Variants in SCN7A observed in about 807,000 individuals in gnomAD.
The protein encoded by SCN7A is sodium channel protein type 7 subunit alpha.
SCN7A carries 138 observed loss-of-function variants against 155.2 expected under a neutral mutation model. That is an observed-to-expected ratio of 0.89 (90% CI 0.77 to 1.02). The LOEUF (loss-of-function observed/expected upper bound fraction) is 1.02. SCN7A is among the 50% of genes least tolerant of loss of function. The pLI, the probability that SCN7A is intolerant of heterozygous loss-of-function variation, is 0.00. For synonymous variants in SCN7A, 693 were observed against 649.0 expected, an observed-to-expected ratio of 1.07 and a Z score of -1.03; for missense variants, 2,058 against 1,986.6, an observed-to-expected ratio of 1.04 and a Z score of -0.68.
intron 13 of SCN7A, 89 bp from the exon 14 acceptor site, chr2:166,443,765 T>C: frequency 1.1e-6 from 1 of 909,060 alleles, no homozygotes. Context: ...ACACACTGTT[T>C]ACTTGTCACT....
chr2:166,410,001 T>C, intron 24 of SCN7A, 66 bp from the exon 25 acceptor site: 1 of 1,375,286 alleles, frequency 7.3e-7, no homozygotes, highest in South Asian at 1.6e-5. Context: ...ATATGGTCTT[T>C]TATACACTAC....
Position 166,422,868 on chromosome 2 carries a change from G to A in SCN7A, c.3027+391C>T, listed in dbSNP as rs562210032. On this transcript the variant is annotated intron_variant, in intron 19 of 25. Coordinates refer to ENST00000643258, the MANE Select transcript of SCN7A (RefSeq NM_002976.4). ...TGGAATCTATTGTAGAGATCTAAGTGAGAAATTTGGGGAGTTTGGATCAGC... is the reference window on the plus strand; with the variant it reads ...TGGAATCTATTGTAGAGATCTAAGTAAGAAATTTGGGGAGTTTGGATCAGC... Among the ~76,000 whole-genome samples the A allele has an allele frequency of 1.1e-4, 17 of 152,216 alleles. No homozygotes were observed. The East Asian group carries it at 3.3e-3, about 29-fold the overall frequency.
At chr2:166,429,878 T>C (rs1701698185) in intron 16 of SCN7A, among the ~76,000 whole-genome samples, 1 of 152,084 alleles carries the variant, frequency 6.6e-6, no homozygotes, top group African/African-American at 2.4e-5. Flanking sequence ...TTTCTAACTC[T>C]GCTTTTGACT....
At chr2:166,418,121 ATTTAT>A (rs899950845) in intron 20 of SCN7A, among the ~76,000 whole-genome samples, 3 of 149,620 alleles carry the variant, frequency 2.0e-5, no homozygotes, top group African/African-American at 4.9e-5. Context: ...TTATTTTTTT[ATTTAT>A]TTTATTTTAT....
intron 1 of SCN7A, among the ~76,000 whole-genome samples, chr2:166,488,465 A>C (rs1703100635): frequency 6.6e-6 from 1 of 152,144 alleles, no homozygotes; most frequent in African/African-American, 2.4e-5. Context: ...AAAGTTGCCT[A>C]AATCAATAAT....
chr2:166,462,753 G>A (rs754618139), intron 9 of SCN7A, among the ~76,000 whole-genome samples: 5 of 152,164 alleles, frequency 3.3e-5, no homozygotes, highest in Non-Finnish European at 7.4e-5. Flanking sequence ...AAAGGGGCCT[G>A]AAAAGTGGTT....
At chr2:166,462,088 CAA>C (rs71031248) in intron 10 of SCN7A, 369 of 68,162 alleles carry the variant, frequency 5.4e-3, no homozygotes, top group South Asian at 0.02. Context: ...GACTCCGTCT[CAA>C]AAAAAAAAAA....
chr2:166,406,473 G>T lies in SCN7A; in HGVS notation c.4156C>A (p.Leu1386Ile). The T allele has an allele frequency of 6.2e-7, 1 of 1,612,836 alleles. No homozygotes were observed. Among genetic ancestry groups the T allele is most frequent in the Non-Finnish European group, 8.5e-7 (1 of 1,179,302 alleles). Residue 1386 changes from leucine to isoleucine, a missense_variant, in exon 26 of 26, where the codon CTC (leucine) becomes ATC (isoleucine). Physicochemically the swap from Leu to Ile is conservative, Grantham distance 5. Coordinates refer to ENST00000643258, the MANE Select transcript of SCN7A (RefSeq NM_002976.4). ...TAGATGAACATGACCAGGAAGATGAGAAGAATGATGTTCAATAATGCTGGG... is the reference window on the plus strand; with the variant it reads ...TAGATGAACATGACCAGGAAGATGATAAGAATGATGTTCAATAATGCTGGG... ...SLPALLNIIL[L>I]IFLVMFIYAV...
intron 11 of SCN7A, among the ~76,000 whole-genome samples, chr2:166,450,544 G>A (rs952760448): frequency 1.1e-4 from 16 of 152,210 alleles, no homozygotes; most frequent in Non-Finnish European, 2.2e-4. Flanking sequence ...GCTCACGCCT[G>A]TAATCCCAGC....
rs1249121246 is a variant in SCN7A, at chr2:166,444,866, C to T, written c.1522G>A (p.Asp508Asn). 1.9e-6 allele frequency: 3 copies of T among 1,612,208 alleles called. No homozygotes were observed. The highest frequency in any genetic ancestry group is 2.5e-6 in the Non-Finnish European group (3 of 1,178,726). The change falls in exon 13 of 26, where the codon GAT (aspartate) becomes AAT (asparagine). Residue 508 changes from aspartate (D) to asparagine (N), a missense_variant. Transcript: ENST00000643258. ...VHRIIMAPFTDLFLIICIILN... is the reference protein window; with the variant it reads ...VHRIIMAPFTNLFLIICIILN... ...ATTATGCATATGATAAGGAAAAGAT[C>T]AGTAAATGGTGCCATTATAATCCTA...
At chr2:166,492,916 C>T (rs572704265) in intron 1 of SCN7A, among the ~76,000 whole-genome samples, 1 of 152,262 alleles carries the variant, frequency 6.6e-6, no homozygotes, top group Non-Finnish European at 1.5e-5. Context: ...TTAATTTGTA[C>T]AAAAATTGAA....
intron 3 of SCN7A, 96 bp downstream of exon 3, chr2:166,477,367 T>C (rs2105513386): frequency 8.5e-6 from 7 of 825,092 alleles, no homozygotes; most frequent in East Asian, 5.8e-5. Context: ...TCCCTGTTTT[T>C]CATTATCTTT....
At chr2:166,441,852 C>G in intron 14 of SCN7A, 100 bp from the exon 15 acceptor site, 1 of 784,788 alleles carries the variant, frequency 1.3e-6, no homozygotes, top group Non-Finnish European at 2.0e-6. Context: ...ACATATATAG[C>G]CTTTAGAGTT....
At chr2:166,482,755 C>T (rs115916574) in intron 2 of SCN7A, among the ~76,000 whole-genome samples, 6,885 of 134,112 alleles carry the variant, frequency 0.051, 203 homozygotes, top group Middle Eastern at 0.14. Flanking sequence ...TTGCCTTCTG[C>T]GATACTGCAA....
At chr2:166,408,838 A>G (rs1000960713) in intron 25 of SCN7A, among the ~76,000 whole-genome samples, 8 of 151,996 alleles carry the variant, frequency 5.3e-5, no homozygotes, top group African/African-American at 1.9e-4. Context: ...TATGTGTGTT[A>G]TGTGGAAACA....
At chr2:166,450,176 G>A (rs1702147043) in intron 11 of SCN7A, among the ~76,000 whole-genome samples, 1 of 152,174 alleles carries the variant, frequency 6.6e-6, no homozygotes, top group African/African-American at 2.4e-5. Flanking sequence ...CATGGACGCA[G>A]CTGGAGTCCA....
intron 13 of SCN7A, 68 bp downstream of exon 13, chr2:166,444,694 T>A (rs925689499): frequency 7.0e-6 from 6 of 855,672 alleles, no homozygotes; most frequent in Non-Finnish European, 1.1e-5. Context: ...GGAATAATGA[T>A]GAACAAAGAA....
chr2:166,432,477 G>A lies in SCN7A; in HGVS notation c.2433C>T (p.Ser811=). ...TQDFLKDKEK[S]SGTEKNATEN... ...CAGTAGCGTTTTTCTCTGTGCCACT[G>A]CTTTTTTCCTTATCTTTGAGAAAAT... The change falls in exon 16 of 26, where the codon AGC becomes AGT. Residue 811 remains serine (S), a synonymous_variant. Transcript: ENST00000643258. 2 of 1,613,606 alleles carry A rather than the reference G, an allele frequency of 1.2e-6. No homozygotes were observed. The highest frequency in any genetic ancestry group is 2.2e-5 in the East Asian group (1 of 44,850).
Position 166,444,821 on chromosome 2 carries a change from T to A in SCN7A, c.1567A>T (p.Thr523Ser). Reference protein sequence around the residue: ...ICIILNVCFLTLEHYPMSKQT... With the variant: ...ICIILNVCFLSLEHYPMSKQT... ...TTACTCATTGGATAATGCTCCAAGGTCAGAAAACATACGTTTAAAATTATG... is the reference window on the plus strand; with the variant it reads ...TTACTCATTGGATAATGCTCCAAGGACAGAAAACATACGTTTAAAATTATG... The change falls in exon 13 of 26, where the codon ACC becomes TCC. Residue 523 changes from threonine to serine, a missense_variant. By Grantham distance (58) the Thr-to-Ser change is moderately conservative. Coordinates refer to ENST00000643258, the MANE Select transcript of SCN7A (RefSeq NM_002976.4). 1 of 1,609,494 alleles carries A rather than the reference T, an allele frequency of 6.2e-7. No individual in the cohort carries two copies. The highest frequency in any genetic ancestry group is 8.5e-7 in the Non-Finnish European group (1 of 1,177,292).
Sources: allele counts gnomAD v4.1 joint callset (sites outside exome capture counted in the v4.1 genomes callset), GRCh38; gene constraint gnomAD v4.1.1; transcripts MANE v1.5; gene names NCBI Gene and HGNC (gene_info 2026-07-23, HGNC 2026-07-21).